Variants in UBE3C observed in about 807,000 individuals in gnomAD.
UBE3C encodes ubiquitin protein ligase E3C, also known as ubiquitin-protein ligase E3C.
In UBE3C, 42 loss-of-function variants were observed where a neutral mutation model predicts 129.4. The ratio of observed to expected loss-of-function variants is 0.32; its 90% CI spans 0.25 to 0.42. UBE3C has a LOEUF of 0.42. UBE3C is among the 10% of genes least tolerant of loss of function. The pLI is 1.00. For synonymous variants in UBE3C, 510 were observed against 492.4 expected (o/e 1.04, Z -0.47); for missense variants, 1,049 against 1,319.1 (o/e 0.80, Z 3.17).
intron 11 of UBE3C, among the ~76,000 whole-genome samples, chr7:157,206,201 C>T (rs1342383758): frequency 2.0e-5 from 3 of 152,130 alleles, no homozygotes; most frequent in Non-Finnish European, 2.9e-5. Context: ...GACTTAAAAA[C>T]GAGAGAAAAG....
intron 1 of UBE3C, among the ~76,000 whole-genome samples, chr7:157,159,959 C>T (rs369694982): frequency 6.6e-6 from 1 of 152,262 alleles, no homozygotes; most frequent in East Asian, 1.9e-4. Flanking sequence ...CGTAGCGTCT[C>T]GTATTCTTTT....
chr7:157,212,055 A>G (rs1809610247), intron 13 of UBE3C, among the ~76,000 whole-genome samples: 1 of 152,246 alleles, frequency 6.6e-6, no homozygotes, highest in Admixed American at 6.5e-5. Flanking sequence ...TATGAAGTCA[A>G]ATTGTAAAAA....
intron 1 of UBE3C, among the ~76,000 whole-genome samples, chr7:157,144,581 T>C (rs1807551879): frequency 6.6e-6 from 1 of 152,118 alleles, no homozygotes; most frequent in Admixed American, 6.6e-5. Context: ...TGAATATGGA[T>C]ATAGAAAAGT....
chr7:157,148,365 T>C (rs1387139580), intron 1 of UBE3C, among the ~76,000 whole-genome samples: 1 of 152,128 alleles, frequency 6.6e-6, no homozygotes, highest in Non-Finnish European at 1.5e-5. Flanking sequence ...AGCTTCCCAA[T>C]GTGCTGGGAT....
chr7:157,266,203 A>G (rs1458004853), intron 22 of UBE3C, among the ~76,000 whole-genome samples: 2 of 152,136 alleles, frequency 1.3e-5, no homozygotes, highest in Non-Finnish European at 2.9e-5. Flanking sequence ...AGTCCAAGCT[A>G]TGCGGGAGGC....
At chr7:157,226,341 A>G (rs535889324) in intron 17 of UBE3C, among the ~76,000 whole-genome samples, 2 of 152,346 alleles carry the variant, frequency 1.3e-5, no homozygotes, top group East Asian at 1.9e-4. Context: ...GTTTCGTCGT[A>G]TGTTCATATT....
At chr7:157,267,336 C>T (rs1294890773) in intron 22 of UBE3C, among the ~76,000 whole-genome samples, 2 of 152,130 alleles carry the variant, frequency 1.3e-5, no homozygotes, top group African/African-American at 2.4e-5. Flanking sequence ...GCAGGAGAAT[C>T]GCTTGAACCT....
chr7:157,186,590 A>G (rs2116937761), intron 9 of UBE3C, among the ~76,000 whole-genome samples: 1 of 152,210 alleles, frequency 6.6e-6, no homozygotes, highest in African/African-American at 2.4e-5. Context: ...TAAATACTGA[A>G]GCTACTGTTA....
chr7:157,229,374 G>A (rs1365385028), intron 17 of UBE3C, among the ~76,000 whole-genome samples: 1 of 152,048 alleles, frequency 6.6e-6, no homozygotes, highest in East Asian at 1.9e-4. Context: ...GAGTGCAATG[G>A]CACAATCTTG....
intron 1 of UBE3C, 42 bp downstream of exon 1, chr7:157,139,380 C>T (rs1412725419): frequency 2.7e-6 from 4 of 1,469,258 alleles, no homozygotes; most frequent in Admixed American, 2.1e-5. Context: ...TCGGGGCCTG[C>T]GCGGCCGGGG....
intron 1 of UBE3C, among the ~76,000 whole-genome samples, chr7:157,152,501 G>T (rs1426930295): frequency 6.6e-6 from 1 of 152,162 alleles, no homozygotes; most frequent in African/African-American, 2.4e-5. Flanking sequence ...AAGGATGTTT[G>T]TGTTTCTCTC....
In UBE3C at chr7:157,198,229, C is replaced by G. The variant is rs1370269549; in HGVS notation, c.1332-3492C>G. The G allele has an allele frequency of 8.5e-6, 12 of 1,416,396 alleles. No homozygotes were observed. The Admixed American group carries it at 1.0e-4, about 12-fold the overall frequency. The allele number at this position is 1,416,396 out of a possible 1,614,324, so 87.7% of individuals were successfully genotyped here. ...TCAGACCGCTTACAAAAGGAATTAC[C>G]CAATCTGTATCCTCCACCTGTAAAT... On this transcript the variant is annotated intron_variant, in intron 10 of 22. Coordinates refer to ENST00000348165, the MANE Select transcript of UBE3C (RefSeq NM_014671.3).
chr7:157,256,759 C>A (rs751217940), intron 21 of UBE3C, 155 bp from the exon 22 acceptor site: 1 of 833,738 alleles, frequency 1.2e-6, no homozygotes, highest in East Asian at 2.6e-5. Context: ...GTGCACAGCA[C>A]GTACACAGGT....
intron 1 of UBE3C, among the ~76,000 whole-genome samples, chr7:157,152,070 T>A (rs1807770750): frequency 6.6e-6 from 1 of 152,132 alleles, no homozygotes; most frequent in Admixed American, 6.5e-5. Context: ...CTGTCACCAG[T>A]TAGAGGGACA....
In UBE3C at chr7:157,171,101, C is replaced by G. The variant is rs542818407; in HGVS notation, c.342+651C>G. Among the ~76,000 whole-genome samples the G allele has an allele frequency of 1.9e-4, 27 of 142,184 alleles. 1 individual carries two copies. In the South Asian group the frequency reaches 6.0e-3, roughly 31 times the overall value. 93.3% of individuals were successfully genotyped at this position (142,184 alleles called of 152,430 possible). ...GTGCTGGAATTATAGGCGTGAGCCA[C>G]TGTACATGATTTAGGGTCTCTTTTG... On this transcript the variant is annotated intron_variant, in intron 4 of 22. Transcript: ENST00000348165.
At position 157,190,311 on chromosome 7, in the gene UBE3C, T is replaced by C. The variant is rs570344699; in HGVS notation, c.1331+3290T>C. ...AAGTTGAGTCCAGCATCTCTCCCTC[T>C]TAAGAGCCTCCTCTTTCTGTCCCTG... On this transcript the variant is annotated intron_variant, in intron 10 of 22. Transcript: ENST00000348165. Among the ~76,000 whole-genome samples the C allele has an allele frequency of 5.3e-5, 8 of 152,198 alleles. No homozygotes were observed. In the South Asian group the frequency reaches 1.7e-3, roughly 32 times the overall value.
At chr7:157,263,683 T>C (rs1267144442) in intron 22 of UBE3C, among the ~76,000 whole-genome samples, 1 of 149,686 alleles carries the variant, frequency 6.7e-6, no homozygotes. Context: ...AAAAAAAGTC[T>C]AGCAAGTATT....
rs532371697 is a variant in UBE3C at position 157,226,827 on chromosome 7, G to A, written c.2233+1288G>A. ...CGAGTAAACTTAGGTCTGCATGCAGGCTGTGGCCTCTCCACAGGGCCAGGT... is the reference window on the plus strand; with the variant it reads ...CGAGTAAACTTAGGTCTGCATGCAGACTGTGGCCTCTCCACAGGGCCAGGT... On this transcript the variant is annotated intron_variant, in intron 17 of 22. Coordinates refer to ENST00000348165, the MANE Select transcript of UBE3C (RefSeq NM_014671.3). Among the ~76,000 whole-genome samples, 10 of 152,042 alleles carry A rather than the reference G, an allele frequency of 6.6e-5. No homozygotes were observed. The South Asian group carries it at 1.7e-3, about 25-fold the overall frequency.
At chr7:157,238,261 T>C (rs1033192183) in intron 18 of UBE3C, among the ~76,000 whole-genome samples, 1 of 152,008 alleles carries the variant, frequency 6.6e-6, no homozygotes, top group Non-Finnish European at 1.5e-5. Context: ...GACAGGCCAG[T>C]GGGGACTCCT....
Sources: allele counts gnomAD v4.1 joint callset (sites outside exome capture counted in the v4.1 genomes callset), GRCh38; gene constraint gnomAD v4.1.1; transcripts MANE v1.5; gene names NCBI Gene and HGNC (gene_info 2026-07-23, HGNC 2026-07-21).